Variants in ITIH4 observed in about 807,000 individuals in gnomAD.
The protein encoded by ITIH4 is inter-alpha-trypsin inhibitor heavy chain 4.
A neutral mutation model predicts 111.8 loss-of-function variants in ITIH4; 79 were observed. The observed-to-expected ratio is 0.71, with a 90% CI of 0.59 to 0.85. The LOEUF (loss-of-function observed/expected upper bound fraction) is 0.85. ITIH4 is among the 40% of genes least tolerant of loss of function. The pLI, the probability that ITIH4 is intolerant of heterozygous loss-of-function variation, is 0.00. For missense variants in ITIH4, 1,065 were observed against 1,195.8 expected (o/e 0.89, Z 1.61); for synonymous variants, 472 against 468.3 (o/e 1.01, Z -0.10).
chr3:52,819,457 T>C lies in ITIH4; in HGVS notation c.2013A>G (p.Gly671=). The part of the protein sequence containing the change: ...RPGVLSSRQL[G]LPGPPDVPDH... ...CAGGAACATCAGGAGGTCCTGGGAG[T>C]CCAAGTTGCCTGGAGCTGAGAACCC... Residue 671 remains glycine, a synonymous_variant, in exon 17 of 24, where the codon GGA becomes GGG. Coordinates refer to ENST00000266041, the MANE Select transcript of ITIH4 (RefSeq NM_002218.5). 1.9e-6 allele frequency: 3 copies of C among 1,613,730 alleles called. No individual in the cohort carries two copies. The highest frequency in any genetic ancestry group is 1.7e-5 in the Admixed American group (1 of 59,974).
At position 52,820,951 on chromosome 3, in the gene ITIH4, C is replaced by A. The variant is rs201526222; in HGVS notation, c.1679+40G>T. 6.7e-5 allele frequency: 108 copies of A among 1,602,422 alleles called. 1 individual carries two copies. In the East Asian group the frequency reaches 1.2e-3, roughly 17 times the overall value. ...CGCTGTACCGTGCCACCTGTGCCTGCCCCCTAGCGACAGGCTTAGGGAGGT... is the reference window on the plus strand; with the variant it reads ...CGCTGTACCGTGCCACCTGTGCCTGACCCCTAGCGACAGGCTTAGGGAGGT... On this transcript the variant is annotated intron_variant, in intron 12 of 23. Transcript: ENST00000266041.
intron 6 of ITIH4, 140 bp downstream of exon 6, chr3:52,825,746 C>T (rs1042049212): frequency 2.1e-5 from 19 of 894,410 alleles, no homozygotes; most frequent in Middle Eastern, 3.7e-4. Context: ...AACTAAATCA[C>T]GTGTTTTCTG....
chr3:52,823,854 T>C lies in ITIH4; in HGVS notation c.1322A>G (p.His441Arg), dbSNP rs1700435905. ...CTGCAGGGCAGAGTCTGAGTCCTCATGGATGCGCCGGGCCAGGCCGCCATT... is the reference window on the plus strand; with the variant it reads ...CTGCAGGGCAGAGTCTGAGTCCTCACGGATGCGCCGGGCCAGGCCGCCATT... ...LDNGGLARRI[H>R]EDSDSALQLQ... The change falls in exon 10 of 24, where the codon CAT (histidine) becomes CGT (arginine). Residue 441 changes from histidine (H) to arginine (R), a missense_variant. His to Arg is a conservative substitution (Grantham distance 29). Coordinates refer to ENST00000266041, the MANE Select transcript of ITIH4 (RefSeq NM_002218.5). 1 of 1,613,890 alleles carries C rather than the reference T, an allele frequency of 6.2e-7. No homozygotes were observed. The highest frequency in any genetic ancestry group is 8.5e-7 in the Non-Finnish European group (1 of 1,180,000).
At chr3:52,828,521 AG>A (rs2154111738) in intron 2 of ITIH4, among the ~76,000 whole-genome samples, 1 of 152,330 alleles carries the variant, frequency 6.6e-6, no homozygotes, top group East Asian at 1.9e-4. Context: ...CCTGGCAGCA[AG>A]GGACAGGCGG....
At chr3:52,819,565 G>T (rs201678705) in intron 16 of ITIH4, 47 bp from the exon 17 acceptor site, 417 of 1,612,182 alleles carry the variant, frequency 2.6e-4, no homozygotes, top group Non-Finnish European at 3.3e-4. Context: ...TGGGGTGTGG[G>T]TCTTCACAGC....
At chr3:52,813,937 C>A (rs764010706) in intron 23 of ITIH4, 38 bp downstream of exon 23, 6 of 1,557,944 alleles carry the variant, frequency 3.9e-6, no homozygotes, top group Admixed American at 1.7e-5. Context: ...CCCCACCCCA[C>A]CCCAGCTGGG....
chr3:52,818,605 C>G, intron 17 of ITIH4, 69 bp from the exon 18 acceptor site: 1 of 1,336,872 alleles, frequency 7.5e-7, no homozygotes, highest in East Asian at 2.5e-5. Context: ...ACCAGCAGCG[C>G]TGCCACCAAG....
Position 52,829,222 on chromosome 3 carries a change from G to A in ITIH4, c.148C>T (p.His50Tyr). Reference sequence around the variant, plus strand: ...ACCACTCGGCTGGTGACGACCGTGTGGGCAAATCGGGATGAGACCCTGGAG... The same window carrying A: ...ACCACTCGGCTGGTGACGACCGTGTAGGCAAATCGGGATGAGACCCTGGAG... The part of the protein sequence containing the change: ...VDSRVSSRFA[H>Y]TVVTSRVVNR... Residue 50 changes from histidine (H) to tyrosine (Y), a missense_variant, in exon 2 of 24, where the codon CAC (histidine) becomes TAC (tyrosine). Transcript: ENST00000266041. 1 of 1,613,692 alleles carries A rather than the reference G, an allele frequency of 6.2e-7. No homozygotes were observed.
In ITIH4 at chr3:52,819,411, A is replaced by T; in HGVS notation, c.2059T>A (p.Phe687Ile). ...DVPDHAAYHP[F>I]RRLAILPASA... ...AGCTTACAGATGGCCAGACGGCGGA[A>T]GGGGTGGTAAGCAGCATGGTCAGGA... The change falls in exon 17 of 24, where the codon TTC becomes ATC. Residue 687 changes from phenylalanine (F) to isoleucine (I), a missense_variant. Physicochemically the swap from Phe to Ile is conservative, Grantham distance 21. Transcript: ENST00000266041. 6.2e-7 allele frequency: 1 copy of T among 1,614,076 alleles called. No homozygotes were observed. The highest frequency in any genetic ancestry group is 1.1e-5 in the South Asian group (1 of 91,076).
chr3:52,818,770 G>T, intron 17 of ITIH4: 2 of 561,348 alleles, frequency 3.6e-6, no homozygotes, highest in South Asian at 2.2e-5. Flanking sequence ...ACAGTTCAAG[G>T]GACCTCTGTT....
chr3:52,822,574 C>T (rs1037915393), intron 11 of ITIH4, among the ~76,000 whole-genome samples: 2 of 152,072 alleles, frequency 1.3e-5, no homozygotes, highest in African/African-American at 4.8e-5. Flanking sequence ...GGGGGGCATG[C>T]GACTTATTCC....
rs150902707 is a variant in ITIH4, at chr3:52,823,648, G to A, written c.1447C>T (p.Arg483Trp). 3.1e-5 allele frequency: 50 copies of A among 1,614,182 alleles called. No homozygotes were observed. The African/African-American group carries it at 4.7e-4, about 15-fold the overall frequency. ...ATCTCTGAGCCCTTGAAGAGGAGCC[G>A]GAAGTTGTTCTGAGTGACCTCCTCC... ...AVEEVTQNNF[R>W]LLFKGSEMVV... is the part of the protein sequence containing the mutation. The change falls in exon 11 of 24, where the codon CGG becomes TGG. Residue 483 changes from arginine to tryptophan, a missense_variant. Coordinates refer to ENST00000266041, the MANE Select transcript of ITIH4 (RefSeq NM_002218.5).
At chr3:52,829,556 T>C (rs576419362) in intron 1 of ITIH4, among the ~76,000 whole-genome samples, 4 of 152,260 alleles carry the variant, frequency 2.6e-5, no homozygotes, top group South Asian at 2.1e-4. Context: ...AGAGCACCCC[T>C]TGGAGAAGAA....
At chr3:52,822,501 T>A (rs1700402281) in intron 11 of ITIH4, among the ~76,000 whole-genome samples, 2 of 152,342 alleles carry the variant, frequency 1.3e-5, no homozygotes, top group South Asian at 4.1e-4. Context: ...GCCTCCAAGC[T>A]AAATCACCTG....
intron 21 of ITIH4, among the ~76,000 whole-genome samples, chr3:52,816,107 C>G (rs953540120): frequency 6.6e-6 from 1 of 152,218 alleles, no homozygotes; most frequent in Non-Finnish European, 1.5e-5. Context: ...CTGGACAAGG[C>G]TCTCCATACT....
chr3:52,818,009 T>C lies in ITIH4; in HGVS notation c.2296+43A>G, dbSNP rs1199897418. 2.8e-6 allele frequency: 4 copies of C among 1,436,942 alleles called. No homozygotes were observed. The African/African-American group carries it at 5.6e-5, about 20-fold the overall frequency. 89.0% of individuals were successfully genotyped at this position (1,436,942 alleles called of 1,614,324 possible). On this transcript the variant is annotated intron_variant, in intron 20 of 23. Coordinates refer to ENST00000266041, the MANE Select transcript of ITIH4 (RefSeq NM_002218.5). ...TGTCTCTGTAGGCAGGTGGTGGGTG[T>C]GTGCCAGTGGTGTCTGGGTCTCTCT...
At position 52,824,955 on chromosome 3, in the gene ITIH4, CG is replaced by C. The variant is rs1700459844; in HGVS notation, c.762del (p.Ile254MetfsTer15). On this transcript the variant is annotated frameshift_variant and splice_region_variant, in exon 7 of 24. Transcript: ENST00000266041. LOFTEE classifies it high-confidence loss of function. The surrounding 1 kb of genome is among the most constrained non-coding windows in gnomAD (Gnocchi z 4.3). The stretch of plus-strand genomic sequence containing the variant: ...AAGTAGTGTACAAAGTAGCCGTTCT[CG>C]ATCTGTGGCCAGAGTGAGACCCACC... ...DRAISGGSIQ[I>X]ENGYFVHYFA... The C allele has an allele frequency of 6.8e-6, 11 of 1,607,278 alleles. No homozygotes were observed. Among genetic ancestry groups the C allele is most frequent in the Non-Finnish European group, 9.4e-6 (11 of 1,175,620 alleles).
In ITIH4 at chr3:52,820,456, T is replaced by C. The variant is rs1052728; in HGVS notation, c.1835-139A>G. ...GGACTATATCGTAGGTGCAATGAAT[T>C]TGGGGAGACAGGAGACCCGGCTTCA... On this transcript the variant is annotated intron_variant, in intron 13 of 23. Transcript: ENST00000266041. The C allele has an allele frequency of 0.022, 26,143 of 1,178,774 alleles. 4,295 individuals carry two copies. In the African/African-American group the frequency reaches 0.36, roughly 16 times the overall value. The allele number at this position is 1,178,774 out of a possible 1,614,324, so 73.0% of individuals were successfully genotyped here.
chr3:52,829,570 G>A (rs1700536821), intron 1 of ITIH4, among the ~76,000 whole-genome samples: 1 of 152,210 alleles, frequency 6.6e-6, no homozygotes, highest in South Asian at 2.1e-4. Flanking sequence ...AGAAGAACAA[G>A]CATGCAGGGG....
Sources: gnomAD v4.1 joint callset for allele counts (sites outside exome capture counted in the v4.1 genomes callset) on GRCh38, gnomAD v4.1.1 for gene constraint, Gnocchi (gnomAD v3.1) non-coding constraint, MANE v1.5 for transcripts, NCBI Gene and HGNC (gene_info 2026-07-23, HGNC 2026-07-21) for gene names.